SMC5: variants seen among roughly 807,000 people sequenced by gnomAD.
SMC5 encodes the protein structural maintenance of chromosomes 5.
A neutral mutation model predicts 148.3 loss-of-function variants in SMC5; 88 were observed. The observed-to-expected ratio is 0.59, with a 90% CI of 0.50 to 0.71. SMC5 has a LOEUF of 0.71. Among genes scored for constraint, SMC5 ranks in the 30% least tolerant of loss-of-function variants. The pLI is 0.00. For synonymous variants in SMC5, 421 were observed against 432.8 expected, an observed-to-expected ratio of 0.97 and a Z score of 0.34; for missense variants, 1,142 against 1,298.9, an observed-to-expected ratio of 0.88 and a Z score of 1.86.
At chr9:70,310,453 TC>T (rs2035627415) in intron 11 of SMC5, among the ~76,000 whole-genome samples, 1 of 152,170 alleles carries the variant, frequency 6.6e-6, no homozygotes, top group Admixed American at 6.5e-5. Flanking sequence ...CTTAAAATAC[TC>T]AGTAAACCAT....
rs757719822 is a variant in SMC5, at chr9:70,298,037, T to C, written c.1125T>C (p.Asn375=). The C allele has an allele frequency of 2.9e-5, 47 of 1,613,820 alleles. No individual in the cohort carries two copies. The highest frequency in any genetic ancestry group is 3.8e-5 in the Non-Finnish European group (45 of 1,179,938). ...TTGACCGACAGAGGAGAATAGGTAA[T>C]ACCCGCAAAATGATAGAGGATTTGC... The part of the protein sequence containing the change: ...EELDRQRRIG[N]TRKMIEDLQN... Residue 375 remains asparagine (N), a synonymous_variant, in exon 9 of 25, where the codon AAT becomes AAC. Transcript: ENST00000361138.
chr9:70,327,590 A>C (rs1452370712), intron 17 of SMC5, among the ~76,000 whole-genome samples: 2 of 152,168 alleles, frequency 1.3e-5, no homozygotes, highest in Non-Finnish European at 2.9e-5. Context: ...AAATGGTTAA[A>C]TAGAGAATTT....
intron 3 of SMC5, among the ~76,000 whole-genome samples, chr9:70,269,865 G>A (rs1265482800): frequency 2.0e-5 from 3 of 152,188 alleles, no homozygotes; most frequent in Non-Finnish European, 4.4e-5. Flanking sequence ...GGAACAGATC[G>A]AAATGTACAT....
intron 2 of SMC5, among the ~76,000 whole-genome samples, chr9:70,264,684 G>A (rs192989930): frequency 1.7e-3 from 256 of 152,186 alleles, no homozygotes; most frequent in Admixed American, 2.7e-3. Context: ...AATGTAATAT[G>A]TCTTTTTTTT....
intron 3 of SMC5, among the ~76,000 whole-genome samples, chr9:70,270,157 C>T (rs1267703314): frequency 6.6e-6 from 1 of 152,178 alleles, no homozygotes; most frequent in Non-Finnish European, 1.5e-5. Flanking sequence ...TCTGACCAAC[C>T]AGCTGTAAAT....
At chr9:70,290,240 TC>T (rs2118286060) in intron 8 of SMC5, among the ~76,000 whole-genome samples, 1 of 152,338 alleles carries the variant, frequency 6.6e-6, no homozygotes, top group Admixed American at 6.5e-5. Context: ...TAAAGAGTTC[TC>T]TTTTGACTAA....
chr9:70,261,118 A>G (rs2034115809), intron 1 of SMC5, among the ~76,000 whole-genome samples: 1 of 152,240 alleles, frequency 6.6e-6, no homozygotes, highest in South Asian at 2.1e-4. Flanking sequence ...GTATATTTAG[A>G]AAGCGTCAAG....
At chr9:70,291,002 A>G (rs1054987967) in intron 8 of SMC5, among the ~76,000 whole-genome samples, 1 of 152,164 alleles carries the variant, frequency 6.6e-6, no homozygotes, top group Non-Finnish European at 1.5e-5. Context: ...GTTTTTGTTG[A>G]AACTGAACAG....
chr9:70,316,213 C>T (rs924041777), intron 13 of SMC5, among the ~76,000 whole-genome samples: 1 of 152,086 alleles, frequency 6.6e-6, no homozygotes, highest in Non-Finnish European at 1.5e-5. Context: ...GAGGAAATCT[C>T]TCCTGCAACA....
At chr9:70,317,582 G>A (rs1276680625) in intron 13 of SMC5, among the ~76,000 whole-genome samples, 3 of 151,926 alleles carry the variant, frequency 2.0e-5, no homozygotes, top group Non-Finnish European at 4.4e-5. Context: ...ATAAACTTCT[G>A]GAAGGAAACA....
intron 8 of SMC5, among the ~76,000 whole-genome samples, chr9:70,287,623 A>T (rs1049601360): frequency 2.0e-5 from 3 of 152,056 alleles, no homozygotes; most frequent in African/African-American, 7.2e-5. Flanking sequence ...CCCTTTTTCT[A>T]TCCCTTTATT....
chr9:70,344,185 G>T lies in SMC5; in HGVS notation c.2439G>T (p.Leu813Phe). The T allele has an allele frequency of 6.4e-7, 1 of 1,556,140 alleles. No individual in the cohort carries two copies. The highest frequency in any genetic ancestry group is 1.4e-5 in the African/African-American group (1 of 73,108). Reference protein sequence around the residue: ...IELDENRQRLLQKCKELMKRA... With the variant: ...IELDENRQRLFQKCKELMKRA... ...TGGATGAAAATAGACAGAGATTATT[G>T]CAGAAATGCAAGGAACTTATGAAAA... The change falls in exon 18 of 25, where the codon TTG becomes TTT. Residue 813 changes from leucine (L) to phenylalanine (F), a missense_variant. Physicochemically the swap from Leu to Phe is conservative, Grantham distance 22. Around this residue, in one of 5 missense-constraint regions of SMC5, gnomAD observed 743 missense variants for 835.7 expected, o/e 0.89. Transcript: ENST00000361138.
intron 15 of SMC5, among the ~76,000 whole-genome samples, chr9:70,321,427 C>T (rs1371602278): frequency 2.0e-5 from 2 of 100,182 alleles, no homozygotes; most frequent in Admixed American, 2.4e-4. Context: ...GGGTCTTGCT[C>T]TGTTACCCAG....
At chr9:70,309,742 C>T (rs1310630884) in intron 11 of SMC5, among the ~76,000 whole-genome samples, 1 of 152,168 alleles carries the variant, frequency 6.6e-6, no homozygotes, top group Non-Finnish European at 1.5e-5. Flanking sequence ...GAAGTCGAAC[C>T]TCTCAAAGTC....
intron 15 of SMC5, among the ~76,000 whole-genome samples, chr9:70,319,473 A>C (rs1286555851): frequency 6.6e-6 from 1 of 152,150 alleles, no homozygotes; most frequent in Non-Finnish European, 1.5e-5. Flanking sequence ...GTTTTTCCCT[A>C]CTTAATTCTG....
chr9:70,294,807 C>T (rs117395657), intron 8 of SMC5, among the ~76,000 whole-genome samples: 1 of 152,040 alleles, frequency 6.6e-6, no homozygotes, highest in East Asian at 1.9e-4. Flanking sequence ...ACACAGAGGC[C>T]AAAGAGTTAG....
intron 17 of SMC5, among the ~76,000 whole-genome samples, chr9:70,338,840 C>T (rs192567855): frequency 8.9e-4 from 135 of 152,182 alleles, no homozygotes; most frequent in African/African-American, 2.9e-3. Context: ...TTTTACACCA[C>T]TCTGTTTTTC....
In SMC5 at chr9:70,278,509, G is replaced by A. The variant is rs147082288; in HGVS notation, c.562G>A (p.Ala188Thr). Residue 188 changes from alanine (A) to threonine (T), a missense_variant, in exon 5 of 25, where the codon GCT becomes ACT. Ala to Thr is a moderately conservative substitution (Grantham distance 58). Around this residue, in one of 5 missense-constraint regions of SMC5, gnomAD observed 297 missense variants for 302.6 expected, o/e 0.98. Transcript: ENST00000361138. ...FLPQDKVGEF[A>T]KLSKIELLEA... ...GCTCTAGGACAAAGTTGGAGAATTT[G>A]CTAAACTCAGCAAAATTGAACTCCT... is the stretch of plus-strand genomic sequence containing the variant. 3 of 1,607,422 alleles carry A rather than the reference G, an allele frequency of 1.9e-6. No homozygotes were observed. In the African/African-American group the frequency reaches 4.0e-5, roughly 22 times the overall value.
Position 70,300,038 on chromosome 9 carries a change from A to G in SMC5, c.1310-8A>G. ...GAAACAAGACTTTGTTTTGTTTTAC[A>G]ATTTTAGGTGTGGACGATCATATTG... On this transcript the variant is annotated splice_polypyrimidine_tract_variant and splice_region_variant and intron_variant, in intron 9 of 24. Transcript: ENST00000361138. 6.4e-7 allele frequency: 1 copy of G among 1,550,918 alleles called. No individual in the cohort carries two copies. The highest frequency in any genetic ancestry group is 1.2e-5 in the South Asian group (1 of 81,448).
Sources: allele counts gnomAD v4.1 joint callset (sites outside exome capture counted in the v4.1 genomes callset), GRCh38; gene constraint gnomAD v4.1.1; regional missense constraint gnomAD v4.1.1; transcripts MANE v1.5; gene names NCBI Gene and HGNC (gene_info 2026-07-23, HGNC 2026-07-21).